COL21A1: variants seen among roughly 807,000 people sequenced by gnomAD.
COL21A1 encodes the protein collagen type XXI alpha 1 chain, also known as collagen alpha-1(XXI) chain.
Under a neutral mutation model 137.9 loss-of-function variants are expected in COL21A1, and 149 were observed. The observed-to-expected ratio is 1.08, with a 90% CI of 0.95 to 1.24. The LOEUF (loss-of-function observed/expected upper bound fraction) is 1.24, where lower values mean the gene tolerates loss of function less well. Ranked by LOEUF, COL21A1 falls within the 50% of genes most tolerant of loss-of-function variation. The pLI is 0.00. For missense variants in COL21A1, 1,167 were observed against 1,158.4 expected (o/e 1.01, Z -0.11); for synonymous variants, 456 against 391.5 (o/e 1.16, Z -1.95).
At chr6:56,092,160 C>T (rs1768879967) in intron 17 of COL21A1, among the ~76,000 whole-genome samples, 1 of 151,368 alleles carries the variant, frequency 6.6e-6, no homozygotes, top group Non-Finnish European at 1.5e-5. Context: ...TGTTATAGTA[C>T]AAAAACAATA....
chr6:56,252,503 C>A (rs955420573), upstream of COL21A1, among the ~76,000 whole-genome samples: 6 of 152,114 alleles, frequency 3.9e-5, no homozygotes, highest in Non-Finnish European at 7.4e-5. Context: ...CCCAGAAGGG[C>A]TGGAAAATTA....
At chr6:56,328,378 T>C (rs1022056270) in intron 1 of COL21A1, among the ~76,000 whole-genome samples, 1 of 152,102 alleles carries the variant, frequency 6.6e-6, no homozygotes, top group African/African-American at 2.4e-5. Context: ...TATAATTGTC[T>C]CTTCAATTGC....
intron 1 of COL21A1, among the ~76,000 whole-genome samples, chr6:56,188,659 G>C (rs924819612): frequency 6.6e-6 from 1 of 152,156 alleles, no homozygotes; most frequent in African/African-American, 2.4e-5. Flanking sequence ...GCCTCCTCAC[G>C]TGGGTCCCTG....
intron 9 of COL21A1, among the ~76,000 whole-genome samples, chr6:56,161,843 A>T (rs914993668): frequency 1.3e-4 from 20 of 150,658 alleles, no homozygotes; most frequent in Non-Finnish European, 2.4e-4. Context: ...AAAGAACTTT[A>T]AAAAAAATAA....
chr6:56,204,197 C>A (rs1020882131), intron 1 of COL21A1, among the ~76,000 whole-genome samples: 9 of 152,044 alleles, frequency 5.9e-5, no homozygotes, highest in African/African-American at 2.2e-4. Context: ...CTCCGTGGGT[C>A]GCTCCCCCAT....
At chr6:56,064,679 T>A in intron 23 of COL21A1, 57 bp from the exon 24 acceptor site, 1 of 1,150,678 alleles carries the variant, frequency 8.7e-7, no homozygotes, top group Non-Finnish European at 1.2e-6. Context: ...TGCAATCACA[T>A]ATGCAATACA....
At chr6:56,219,544 G>A (rs1050380576) in intron 1 of COL21A1, among the ~76,000 whole-genome samples, 21 of 151,966 alleles carry the variant, frequency 1.4e-4, no homozygotes, top group Admixed American at 2.0e-4. Context: ...TTCTTCAAGC[G>A]TCTCGACTTT....
Position 56,060,901 on chromosome 6 carries a change from TC to T in COL21A1, c.2341del (p.Asp781MetfsTer20). On this transcript the variant is annotated frameshift_variant, in exon 26 of 30. Coordinates refer to ENST00000244728, the MANE Select transcript of COL21A1 (RefSeq NM_030820.4). LOFTEE classifies it high-confidence loss of function. ...AAGCAGAATACATACGGGCTTCCCA[TC>T]CAAACCTGGGGGTCCCTGAGGACCT... ...DPGPQGPPGL[D>X]GKPGREFSEQ... 1 of 1,578,224 alleles carries T rather than the reference TC, an allele frequency of 6.3e-7. No homozygotes were observed. Among genetic ancestry groups the T allele is most frequent in the Non-Finnish European group, 8.6e-7 (1 of 1,168,184 alleles).
intron 16 of COL21A1, among the ~76,000 whole-genome samples, chr6:56,106,793 G>GTTT (rs200099516): frequency 3.4e-4 from 51 of 148,602 alleles, no homozygotes; most frequent in Non-Finnish European, 4.9e-4. Context: ...CATTATACAA[G>GTTT]TTTTTTTTTT....
At chr6:56,295,673 A>G (rs911926746) in intron 1 of COL21A1, among the ~76,000 whole-genome samples, 1 of 151,898 alleles carries the variant, frequency 6.6e-6, no homozygotes, top group Non-Finnish European at 1.5e-5. Context: ...TAAAATTTAT[A>G]CCTGTTTATT....
At chr6:56,128,659 C>T (rs12201373) in intron 12 of COL21A1, among the ~76,000 whole-genome samples, 22,836 of 151,986 alleles carry the variant, frequency 0.15, 1,753 homozygotes, top group Middle Eastern at 0.22. Context: ...TGTTTTTGTT[C>T]TGTTTTGTTT....
At chr6:56,132,730 T>C (rs1262668360) in intron 12 of COL21A1, among the ~76,000 whole-genome samples, 1 of 152,180 alleles carries the variant, frequency 6.6e-6, no homozygotes, top group African/African-American at 2.4e-5. Context: ...CCACTTGTCA[T>C]GGGAGGAACC....
At chr6:56,263,500 C>T (rs866501389) in intron 1 of COL21A1, among the ~76,000 whole-genome samples, 18 of 152,180 alleles carry the variant, frequency 1.2e-4, no homozygotes, top group African/African-American at 4.1e-4. Flanking sequence ...CACTTGGTAT[C>T]AAGCGTTGGA....
chr6:56,375,105 A>G (rs1377853227), intron 1 of COL21A1, among the ~76,000 whole-genome samples: 1 of 152,198 alleles, frequency 6.6e-6, no homozygotes, highest in Non-Finnish European at 1.5e-5. Context: ...TTGAAAGAAA[A>G]GTGAGAGAAC....
chr6:56,301,183 A>G (rs1185537711), intron 1 of COL21A1, among the ~76,000 whole-genome samples: 1 of 152,164 alleles, frequency 6.6e-6, no homozygotes, highest in African/African-American at 2.4e-5. Flanking sequence ...GACTCTAAAG[A>G]TGTGTCTAAA....
upstream of COL21A1, among the ~76,000 whole-genome samples, chr6:56,248,428 T>G (rs1196576469): frequency 6.6e-6 from 1 of 152,226 alleles, no homozygotes. Flanking sequence ...GAGTGAGTCC[T>G]TCCTGTACAT....
intron 17 of COL21A1, 73 bp from the exon 18 acceptor site, chr6:56,077,646 A>G (rs1767365965): frequency 2.3e-6 from 2 of 874,596 alleles, no homozygotes; most frequent in African/African-American, 1.7e-5. Context: ...AAACAGTCAC[A>G]ATTGGAATTT....
chr6:56,170,489 C>T (rs1442393221), intron 5 of COL21A1, among the ~76,000 whole-genome samples, 160 bp downstream of exon 5: 1 of 151,892 alleles, frequency 6.6e-6, no homozygotes, highest in Non-Finnish European at 1.5e-5. Context: ...AACAATTTTC[C>T]TTTCTTTGTT....
intron 1 of COL21A1, among the ~76,000 whole-genome samples, chr6:56,270,357 A>G (rs1469309258): frequency 6.6e-6 from 1 of 152,256 alleles, no homozygotes; most frequent in Non-Finnish European, 1.5e-5. Context: ...CAATTCAACA[A>G]GAAGACTTAA....
Sources: allele counts gnomAD v4.1 joint callset (sites outside exome capture counted in the v4.1 genomes callset), GRCh38; gene constraint gnomAD v4.1.1; transcripts MANE v1.5; gene names NCBI Gene and HGNC (gene_info 2026-07-23, HGNC 2026-07-21).